Variants in RNPC3 observed in about 807,000 individuals in gnomAD.
RNPC3 encodes the protein RNA-binding region-containing protein 3.
In RNPC3, 48 loss-of-function variants were observed where a neutral mutation model predicts 67.5. That is an observed-to-expected ratio of 0.71 (90% CI 0.56 to 0.90). The LOEUF (loss-of-function observed/expected upper bound fraction) is 0.90. Ranked by LOEUF, RNPC3 falls within the 40% of genes least tolerant of loss-of-function variation. The pLI is 0.00. For missense variants in RNPC3, 637 were observed against 626.1 expected, an observed-to-expected ratio of 1.02 and a Z score of -0.19; for synonymous variants, 239 against 210.3, an observed-to-expected ratio of 1.14 and a Z score of -1.18.
Position 103,526,057 on chromosome 1 carries a change from C to T in RNPC3, c.-14C>T, listed in dbSNP as rs1400910831. ...CTTCTTCCCACGATTTCTGTTTTTG[C>T]TTCTCCAAGGAAAATGGCAGCTCCC... On this transcript the variant is annotated 5_prime_UTR_variant, in exon 1 of 15. Transcript: ENST00000423855. The T allele has an allele frequency of 6.6e-7, 1 of 1,505,714 alleles. No homozygotes were observed. Among genetic ancestry groups the T allele is most frequent in the Non-Finnish European group, 8.9e-7 (1 of 1,119,420 alleles). 93.3% of individuals were successfully genotyped at this position (1,505,714 alleles called of 1,614,324 possible).
chr1:103,549,974 G>A (rs145876159), intron 12 of RNPC3, among the ~76,000 whole-genome samples: 3,356 of 151,632 alleles, frequency 0.022, 129 homozygotes, highest in African/African-American at 0.077. Flanking sequence ...GACCAGCCTG[G>A]CCTATATAGT....
intron 7 of RNPC3, among the ~76,000 whole-genome samples, chr1:103,540,369 T>C (rs1292819863): frequency 4.6e-5 from 7 of 152,214 alleles, no homozygotes; most frequent in Non-Finnish European, 7.3e-5. Context: ...TACTTCTGGT[T>C]CCAGCCATTT....
chr1:103,536,121 T>TACAGTGG lies in RNPC3; in HGVS notation c.556-5_556-4insACAGTGG. ...ATGTGAATTTAAATGTCTTACCACT[T>TACAGTGG]TAAGGTCCTTCATCTTATGAATAAA... On this transcript the variant is annotated splice_region_variant and splice_polypyrimidine_tract_variant and intron_variant, in intron 5 of 14. Coordinates refer to ENST00000423855, the MANE Select transcript of RNPC3 (RefSeq NM_017619.4). 1 of 1,530,680 alleles carries TACAGTGG rather than the reference T, an allele frequency of 6.5e-7. No homozygotes were observed. The highest frequency in any genetic ancestry group is 8.8e-7 in the Non-Finnish European group (1 of 1,141,186). The allele number at this position is 1,530,680 out of a possible 1,614,324, so 94.8% of individuals were successfully genotyped here. A position where few individuals can be genotyped will look rare whatever the true frequency, so the allele number is the denominator to read the frequency against.
intron 5 of RNPC3, among the ~76,000 whole-genome samples, chr1:103,535,769 A>G (rs973622135): frequency 6.6e-6 from 1 of 152,004 alleles, no homozygotes; most frequent in African/African-American, 2.4e-5. Flanking sequence ...GTAATAACAT[A>G]TTTTTTTGAA....
Position 103,541,360 on chromosome 1 carries a change from T to A in RNPC3, c.778T>A (p.Leu260Ile). Reference sequence around the variant, plus strand: ...CTCTCCTCATTGTAGAATGAACAAATTAATGGAACTAGCAAATCTTCAGCC... The same window carrying A: ...CTCTCCTCATTGTAGAATGAACAAAATAATGGAACTAGCAAATCTTCAGCC... Reference protein sequence around the residue: ...DDEDRQRMNKLMELANLQPKR... With the variant: ...DDEDRQRMNKIMELANLQPKR... Residue 260 changes from leucine (L) to isoleucine (I), a missense_variant, in exon 8 of 15, where the codon TTA (leucine) becomes ATA (isoleucine). Coordinates refer to ENST00000423855, the MANE Select transcript of RNPC3 (RefSeq NM_017619.4). 1 of 1,505,254 alleles carries A rather than the reference T, an allele frequency of 6.6e-7. No homozygotes were observed. The highest frequency in any genetic ancestry group is 8.8e-7 in the Non-Finnish European group (1 of 1,135,752). 93.2% of individuals were successfully genotyped at this position (1,505,254 alleles called of 1,614,324 possible).
intron 12 of RNPC3, among the ~76,000 whole-genome samples, chr1:103,547,315 C>A (rs1244655971): frequency 6.6e-6 from 1 of 152,150 alleles, no homozygotes; most frequent in East Asian, 1.9e-4. Flanking sequence ...TGAAGGCAGC[C>A]ATGAAACCTG....
intron 14 of RNPC3, among the ~76,000 whole-genome samples, chr1:103,553,092 G>A (rs535673936): frequency 6.6e-6 from 1 of 152,078 alleles, no homozygotes. Context: ...TTAATATTTA[G>A]TCCTTCTGAG....
Position 103,526,181 on chromosome 1 carries a change from G to A in RNPC3, c.111G>A (p.Glu37=), listed in dbSNP as rs763847055. The stretch of plus-strand genomic sequence containing the variant: ...TTCTGGTCAGGCACCTGCCGGCTGA[G>A]CTTACTGCTGAGGAGAAAGAGGACT... The part of the protein sequence containing the change: ...RTLLVRHLPA[E]LTAEEKEDLL... Residue 37 remains glutamate (E), a synonymous_variant, in exon 1 of 15, where the codon GAG becomes GAA. Transcript: ENST00000423855. 1.5e-5 allele frequency: 24 copies of A among 1,551,502 alleles called. No individual in the cohort carries two copies. In the Middle Eastern group the frequency reaches 8.4e-4, roughly 54 times the overall value.
intron 12 of RNPC3, among the ~76,000 whole-genome samples, chr1:103,550,089 A>C (rs915248805): frequency 3.3e-5 from 5 of 151,916 alleles, no homozygotes; most frequent in African/African-American, 4.8e-5. Context: ...GCTTAAACCC[A>C]GGAGGTGGAG....
Position 103,547,018 on chromosome 1 carries a change from A to G in RNPC3, c.1344A>G (p.Ser448=), listed in dbSNP as rs1377604656. ...TTGGAAGATATGTTGACTTTTCATC[A>G]GAAACACAGCGGATCATGTAAGTGA... ...YIFGRYVDFS[S]ETQRIMFDIR... Residue 448 remains serine, a synonymous_variant, in exon 12 of 15, where the codon TCA becomes TCG. Coordinates refer to ENST00000423855, the MANE Select transcript of RNPC3 (RefSeq NM_017619.4). 1 of 1,501,356 alleles carries G rather than the reference A, an allele frequency of 6.7e-7. No homozygotes were observed. Among genetic ancestry groups the G allele is most frequent in the Non-Finnish European group, 8.9e-7 (1 of 1,120,302 alleles). 93.0% of individuals were successfully genotyped at this position (1,501,356 alleles called of 1,614,324 possible). A position where few individuals can be genotyped will look rare whatever the true frequency, so the allele number is the denominator to read the frequency against.
chr1:103,551,978 G>T (rs1651401675), intron 14 of RNPC3, 186 bp downstream of exon 14: 1 of 408,026 alleles, frequency 2.5e-6, no homozygotes, highest in Non-Finnish European at 4.3e-6. Context: ...ATTTATATGT[G>T]AAAATTAAGT....
At chr1:103,543,154 GTCAC>G (rs1204410478) in intron 8 of RNPC3, 138 bp from the exon 9 acceptor site, 2 of 505,792 alleles carry the variant, frequency 4.0e-6, no homozygotes, top group Non-Finnish European at 3.2e-6. Context: ...ATAAGTCTAA[GTCAC>G]TCACTTTATT....
intron 8 of RNPC3, among the ~76,000 whole-genome samples, chr1:103,542,434 G>A (rs1651143503): frequency 6.6e-6 from 1 of 151,954 alleles, no homozygotes; most frequent in Non-Finnish European, 1.5e-5. Context: ...GTTAGGCGAT[G>A]GAGTTTGAAT....
At chr1:103,551,665 A>G in intron 13 of RNPC3, 56 bp from the exon 14 acceptor site, 1 of 1,161,428 alleles carries the variant, frequency 8.6e-7, no homozygotes, top group South Asian at 1.4e-5. Flanking sequence ...TTTGAGAATT[A>G]TTTAGAAAAG....
chr1:103,548,669 A>G (rs1651307646), intron 12 of RNPC3, among the ~76,000 whole-genome samples: 2 of 151,604 alleles, frequency 1.3e-5, no homozygotes, highest in Admixed American at 6.6e-5. Flanking sequence ...GAGCCCTCCA[A>G]ACTGTTCCAA....
chr1:103,537,236 A>G (rs750547884), intron 6 of RNPC3, 106 bp from the exon 7 acceptor site: 31 of 829,186 alleles, frequency 3.7e-5, no homozygotes, highest in Non-Finnish European at 5.1e-5. Flanking sequence ...TGTGTTAAAA[A>G]AAAAAAAAGA....
chr1:103,539,684 T>C (rs1356841145), intron 7 of RNPC3, among the ~76,000 whole-genome samples: 1 of 152,166 alleles, frequency 6.6e-6, no homozygotes, highest in African/African-American at 2.4e-5. Flanking sequence ...CAAGCTCTAG[T>C]TTCATGCTTC....
Position 103,526,230 on chromosome 1 carries a change from T to G in RNPC3, c.160T>G (p.Ser54Ala), listed in dbSNP as rs1180784342. The G allele has an allele frequency of 6.4e-7, 1 of 1,550,724 alleles. No individual in the cohort carries two copies. Among genetic ancestry groups the G allele is most frequent in the Non-Finnish European group, 8.7e-7 (1 of 1,146,648 alleles). ...CTTGCTGAAGTACTTCGGGGCTCAG[T>G]CTGTGCGGGTCCTGTCAGATAAGGG... ...EDLLKYFGAQ[S>A]VRVLSDKGRL... Residue 54 changes from serine (S) to alanine (A), a missense_variant, in exon 1 of 15, where the codon TCT (serine) becomes GCT (alanine). Coordinates refer to ENST00000423855, the MANE Select transcript of RNPC3 (RefSeq NM_017619.4).
chr1:103,532,546 G>A (rs1299100419), intron 2 of RNPC3, among the ~76,000 whole-genome samples: 5 of 152,002 alleles, frequency 3.3e-5, no homozygotes, highest in South Asian at 2.1e-4. Context: ...TTTAAAGTTC[G>A]GATGCTGGAT....
Sources: gnomAD v4.1 joint callset for allele counts (sites outside exome capture counted in the v4.1 genomes callset) on GRCh38, gnomAD v4.1.1 for gene constraint, MANE v1.5 for transcripts, NCBI Gene and HGNC (gene_info 2026-07-23, HGNC 2026-07-21) for gene names.